Variants in TERT observed in about 807,000 individuals in gnomAD.
TERT encodes the protein telomerase reverse transcriptase.
A neutral mutation model predicts 104.0 loss-of-function variants in TERT; 42 were observed. The observed-to-expected ratio is 0.40, with a 90% CI of 0.32 to 0.52. TERT has a LOEUF of 0.52. Ranked by LOEUF, TERT falls within the 20% of genes least tolerant of loss-of-function variation. The pLI, the probability that TERT is intolerant of heterozygous loss-of-function variation, is 0.43. For synonymous variants in TERT, 781 were observed against 725.6 expected (o/e 1.08, Z -1.23); for missense variants, 1,101 against 1,610.3 (o/e 0.68, Z 5.41).
chr5:1,285,565 ATTTT>A lies in TERT; in HGVS notation c.1574-2945_1574-2942del, dbSNP rs1170336173. ...TTACTTTTTTAATGTGGCTACTAGA[ATTTT>A]TTTTTTTTTTTTTTTTTTTGAGACA... On this transcript the variant is annotated intron_variant, in intron 2 of 15. Transcript: ENST00000310581. 2.9e-4 allele frequency among the ~76,000 whole-genome samples: 24 copies of A among 82,200 alleles called. No homozygotes were observed. In the East Asian group the frequency reaches 8.5e-3, roughly 29 times the overall value. The allele number at this position is 82,200 out of a possible 152,430, so 53.9% of individuals were successfully genotyped here.
In TERT at chr5:1,295,007, C is replaced by T. The variant is rs2126693339; in HGVS notation, c.-18G>A. On this transcript the variant is annotated 5_prime_UTR_variant, in exon 1 of 16. Coordinates refer to ENST00000310581, the MANE Select transcript of TERT (RefSeq NM_198253.3). ...CGCGGCATCGCGGGGGTGGCCGGGGCCAGGGCTTCCCACGTGCGCAGCAGG... is the reference window on the plus strand; with the variant it reads ...CGCGGCATCGCGGGGGTGGCCGGGGTCAGGGCTTCCCACGTGCGCAGCAGG... 1 of 1,298,048 alleles carries T rather than the reference C, an allele frequency of 7.7e-7. No individual in the cohort carries two copies. The highest frequency in any genetic ancestry group is 2.4e-5 in the South Asian group (1 of 41,386). 80.4% of individuals were successfully genotyped at this position (1,298,048 alleles called of 1,614,324 possible).
chr5:1,283,343 G>T, intron 2 of TERT, among the ~76,000 whole-genome samples: 1 of 130,062 alleles, frequency 7.7e-6, no homozygotes, highest in Non-Finnish European at 1.6e-5. Flanking sequence ...TGCAGGGCCT[G>T]GCGACCTCAC....
chr5:1,257,459 C>G lies in TERT; in HGVS notation c.3032+1139G>C, dbSNP rs1747829671. Among the ~76,000 whole-genome samples the G allele has an allele frequency of 6.6e-6, 1 of 152,152 alleles. No homozygotes were observed. On this transcript the variant is annotated intron_variant, in intron 13 of 15. Transcript: ENST00000310581. This position sits in a 1 kb window ranked among gnomAD's most constrained non-coding sequence, Gnocchi z 5.6. ...ACCCCAAGGGTTTCCGGAAAGGAGT[C>G]AAGCAGCTTGCACGAGGGCCCAGGC...
chr5:1,294,274 G>C lies in TERT; in HGVS notation c.612C>G (p.Asn204Lys). Residue 204 changes from asparagine to lysine, a missense_variant, in exon 2 of 16, where the codon AAC becomes AAG. By Grantham distance (94) the Asn-to-Lys change is moderately conservative. Coordinates refer to ENST00000310581, the MANE Select transcript of TERT (RefSeq NM_198253.3). ...RRRLGCERAW[N>K]HSVREAGVPL... ...GGACCCCGGCCTCCCTGACGCTATGGTTCCAGGCCCGTTCGCATCCCAGAC... is the reference window on the plus strand; with the variant it reads ...GGACCCCGGCCTCCCTGACGCTATGCTTCCAGGCCCGTTCGCATCCCAGAC... 1 of 1,594,218 alleles carries C rather than the reference G, an allele frequency of 6.3e-7. No individual in the cohort carries two copies. Among genetic ancestry groups the C allele is most frequent in the Non-Finnish European group, 8.5e-7 (1 of 1,176,520 alleles).
chr5:1,270,784 G>A lies in TERT; in HGVS notation c.2468+335C>T, dbSNP rs1454259359. ...GGTGTCCAGCGTCAGTAGTAACTTG[G>A]AGCTGACAAGCTGCAGGCTCAAACG... On this transcript the variant is annotated intron_variant, in intron 8 of 15. Transcript: ENST00000310581. The surrounding 1 kb of genome is among the most constrained non-coding windows in gnomAD (Gnocchi z 8.3). 6.6e-6 allele frequency among the ~76,000 whole-genome samples: 1 copy of A among 152,228 alleles called. No individual in the cohort carries two copies. The highest frequency in any genetic ancestry group is 1.5e-5 in the Non-Finnish European group (1 of 68,038).
rs866101734 is a variant in TERT, at chr5:1,293,670, C to T, written c.1216G>A (p.Gly406Arg). The T allele has an allele frequency of 2.6e-6, 4 of 1,568,038 alleles. No individual in the cohort carries two copies. Among genetic ancestry groups the T allele is most frequent in the African/African-American group, 1.3e-5 (1 of 74,370 alleles). The change falls in exon 2 of 16, where the codon GGG becomes AGG. Residue 406 changes from glycine (G) to arginine (R), a missense_variant. By Grantham distance (125) the Gly-to-Arg change is moderately radical (BLOSUM62 -2). Transcript: ENST00000310581. ...GGGCAGTGCGTCTTGAGGAGCACCCCGTAGGGGCACTGCGCGTGGTTCCCA... is the reference window on the plus strand; with the variant it reads ...GGGCAGTGCGTCTTGAGGAGCACCCTGTAGGGGCACTGCGCGTGGTTCCCA... ...LLGNHAQCPY[G>R]VLLKTHCPLR...
intron 6 of TERT, among the ~76,000 whole-genome samples, chr5:1,278,252 A>G (rs1579574311): frequency 6.6e-6 from 1 of 152,194 alleles, no homozygotes; most frequent in South Asian, 2.1e-4. Context: ...CCATGCCTGG[A>G]GGAGGAAGGA....
rs1175385280 is a variant in TERT, at chr5:1,268,753, G to C, written c.2469-120C>G. 4.8e-5 allele frequency: 32 copies of C among 672,158 alleles called. No individual in the cohort carries two copies. In the South Asian group the frequency reaches 5.2e-4, roughly 11 times the overall value. The allele number at this position is 672,158 out of a possible 1,614,324, so 41.6% of individuals were successfully genotyped here. On this transcript the variant is annotated intron_variant, in intron 8 of 15. Coordinates refer to ENST00000310581, the MANE Select transcript of TERT (RefSeq NM_198253.3). This position sits in a 1 kb window ranked among gnomAD's most constrained non-coding sequence, Gnocchi z 5.5. ...ACACAAACGACACGTCTACCATTCA[G>C]CCGGCAAACACCTCAGAAACATACC...
At position 1,253,242 on chromosome 5, in the gene TERT, G is replaced by A. The variant is rs1747454345; in HGVS notation, c.*486C>T. On this transcript the variant is annotated 3_prime_UTR_variant, in exon 16 of 16. Transcript: ENST00000310581. ...ACCTCCCCCCAATTTGACCCACAGG[G>A]ACCCCCATCCAGGTGCAGGGTCCTC... The A allele has an allele frequency of 3.9e-6, 1 of 258,138 alleles. No individual in the cohort carries two copies. Among genetic ancestry groups the A allele is most frequent in the Non-Finnish European group, 7.5e-6 (1 of 133,350 alleles). The allele number at this position is 258,138 out of a possible 1,614,324, so 16.0% of individuals were successfully genotyped here. A position where few individuals can be genotyped will look rare whatever the true frequency, so the allele number is the denominator to read the frequency against.
In TERT at chr5:1,293,705, A is replaced by T. The variant is rs1357160289; in HGVS notation, c.1181T>A (p.Leu394Gln). The T allele has an allele frequency of 1.9e-6, 3 of 1,574,558 alleles. No individual in the cohort carries two copies. The highest frequency in any genetic ancestry group is 2.7e-5 in the African/African-American group (2 of 74,488). ...QRYWQMRPLFLELLGNHAQCP... is the reference protein window; with the variant it reads ...QRYWQMRPLFQELLGNHAQCP... Reference sequence around the variant, plus strand: ...CTGCGCGTGGTTCCCAAGCAGCTCCAGAAACAGGGGCCGCATTTGCCAGTA... The same window carrying T: ...CTGCGCGTGGTTCCCAAGCAGCTCCTGAAACAGGGGCCGCATTTGCCAGTA... Residue 394 changes from leucine to glutamine, a missense_variant, in exon 2 of 16, where the codon CTG becomes CAG. Around this residue, in one of 5 missense-constraint regions of TERT, gnomAD observed 504 missense variants for 544.6 expected, o/e 0.93. Transcript: ENST00000310581.
chr5:1,278,144 G>C (rs1749742911), intron 6 of TERT, among the ~76,000 whole-genome samples: 2 of 152,210 alleles, frequency 1.3e-5, no homozygotes, highest in Admixed American at 1.3e-4. Flanking sequence ...CCAAGGCCCA[G>C]CCCTGTGACA....
In TERT at chr5:1,286,139, G is replaced by A. The variant is rs913619652; in HGVS notation, c.1574-3515C>T. On this transcript the variant is annotated intron_variant, in intron 2 of 15. Coordinates refer to ENST00000310581, the MANE Select transcript of TERT (RefSeq NM_198253.3). The surrounding 1 kb of genome is among the most constrained non-coding windows in gnomAD (Gnocchi z 5.3). ...TGTCACTCACTGGCTAAGGAACGCT[G>A]GCCACGTGGTGCTCCAGACACTCAC... Among the ~76,000 whole-genome samples the A allele has an allele frequency of 6.6e-6, 1 of 152,156 alleles. No individual in the cohort carries two copies. The highest frequency in any genetic ancestry group is 2.4e-5 in the African/African-American group (1 of 41,436).
chr5:1,290,126 C>G (rs1364801015), intron 2 of TERT, among the ~76,000 whole-genome samples: 1 of 75,990 alleles, frequency 1.3e-5, no homozygotes, highest in Non-Finnish European at 2.4e-5. Flanking sequence ...ACAGGGACAC[C>G]CGGGGGCCGC....
intron 2 of TERT, among the ~76,000 whole-genome samples, chr5:1,285,387 C>T (rs765424534): frequency 1.1e-4 from 17 of 152,118 alleles, no homozygotes; most frequent in Non-Finnish European, 2.2e-4. Flanking sequence ...TGGCCACGCA[C>T]GGGACCTACA....
In TERT at chr5:1,279,274, G is replaced by A. The variant is rs770503233; in HGVS notation, c.2130+17C>T. ...CAAGGTCCAGCAGGGCTGCTCACGG[G>A]GGTCCCCGGCACCCACCTTGACAAA... is the stretch of plus-strand genomic sequence containing the variant. On this transcript the variant is annotated intron_variant, in intron 5 of 15. Transcript: ENST00000310581. The A allele has an allele frequency of 3.8e-6, 6 of 1,563,452 alleles. No individual in the cohort carries two copies. Among genetic ancestry groups the A allele is most frequent in the East Asian group, 2.4e-5 (1 of 42,026 alleles).
At chr5:1,271,817 G>A (rs764557266) in intron 7 of TERT, among the ~76,000 whole-genome samples, 1 of 152,192 alleles carries the variant, frequency 6.6e-6, no homozygotes, top group Non-Finnish European at 1.5e-5. Flanking sequence ...AGCACTGAGG[G>A]GCCAGCTGGG....
chr5:1,273,808 CCA>C lies in TERT; in HGVS notation c.2287-1530_2287-1529del, dbSNP rs1486198382. ...TGTGACCAACCGCCATCCACAGTCA[CCA>C]CACATCAGACCCCCGTGACCGACTG... On this transcript the variant is annotated intron_variant, in intron 6 of 15. Transcript: ENST00000310581. Among the ~76,000 whole-genome samples the C allele has an allele frequency of 2.7e-5, 4 of 148,736 alleles. 1 individual carries two copies. The highest frequency in any genetic ancestry group is 3.0e-5 in the Non-Finnish European group (2 of 67,298).
rs988587453 is a variant in TERT at position 1,269,789 on chromosome 5, C to G, written c.2469-1156G>C. Among the ~76,000 whole-genome samples the G allele has an allele frequency of 6.6e-6, 1 of 152,070 alleles. No individual in the cohort carries two copies. Among genetic ancestry groups the G allele is most frequent in the South Asian group, 2.1e-4 (1 of 4,812 alleles). ...CCCTGTGAGCACATGGGATGGGAAA[C>G]TCTCTCTGTTCTTAGTTTTTGGGGC... On this transcript the variant is annotated intron_variant, in intron 8 of 15. Transcript: ENST00000310581. This position sits in a 1 kb window ranked among gnomAD's most constrained non-coding sequence, Gnocchi z 9.0.
In TERT at chr5:1,264,369, G is replaced by A. The variant is rs748701084; in HGVS notation, c.2843+35C>T. On this transcript the variant is annotated intron_variant, in intron 11 of 15. Transcript: ENST00000310581. The stretch of plus-strand genomic sequence containing the variant: ...CCCTGCAGCAGCACCTGCCCCAGCC[G>A]GGCACAGGCTCCACTTCCGGCCAGG... The A allele has an allele frequency of 3.3e-5, 53 of 1,589,440 alleles. 1 individual carries two copies. Among genetic ancestry groups the A allele is most frequent in the Middle Eastern group, 1.7e-4 (1 of 5,926 alleles).
Sources: allele counts gnomAD v4.1 joint callset (sites outside exome capture counted in the v4.1 genomes callset), GRCh38; gene constraint gnomAD v4.1.1; regional missense constraint gnomAD v4.1.1; non-coding constraint Gnocchi (gnomAD v3.1); transcripts MANE v1.5; gene names NCBI Gene and HGNC (gene_info 2026-07-23, HGNC 2026-07-21).